Variants in ANKRD55 observed in about 807,000 individuals in gnomAD.
ANKRD55 encodes the protein ankyrin repeat domain-containing protein 55.
Under a neutral mutation model 60.6 loss-of-function variants are expected in ANKRD55, and 41 were observed. The ratio of observed to expected loss-of-function variants is 0.68; its 90% CI spans 0.53 to 0.88. The LOEUF (loss-of-function observed/expected upper bound fraction) is 0.88, where lower values mean the gene tolerates loss of function less well. Among genes scored for constraint, ANKRD55 ranks in the 40% least tolerant of loss-of-function variants. The pLI, the probability that ANKRD55 is intolerant of heterozygous loss-of-function variation, is 0.00. For missense variants in ANKRD55, 732 were observed against 767.6 expected (o/e 0.95, Z 0.55); for synonymous variants, 264 against 290.3 (o/e 0.91, Z 0.92).
intron 2 of ANKRD55, chr5:56,192,680 G>A: frequency 8.0e-7 from 1 of 1,253,820 alleles, no homozygotes; most frequent in Non-Finnish European, 1.2e-6. Flanking sequence ...TCTTCATAAT[G>A]ATCCTCATGC....
In ANKRD55 at chr5:56,111,276, T is replaced by C; in HGVS notation, c.1472A>G (p.Asp491Gly). 6.2e-7 allele frequency: 1 copy of C among 1,614,204 alleles called. No individual in the cohort carries two copies. The highest frequency in any genetic ancestry group is 8.5e-7 in the Non-Finnish European group (1 of 1,180,028). Reference sequence around the variant, plus strand: ...ATTAGAATCACTCTTCCAGGGGTTATCTAGTAACATCTGGCAGCCAGTTCT... The same window carrying C: ...ATTAGAATCACTCTTCCAGGGGTTACCTAGTAACATCTGGCAGCCAGTTCT... ...NNRTGCQMLL[D>G]NPWKSDSNQV... The change falls in exon 10 of 12, where the codon GAT becomes GGT. Residue 491 changes from aspartate to glycine, a missense_variant. Around this residue, in one of 3 missense-constraint regions of ANKRD55, gnomAD observed 597 missense variants for 607.5 expected, o/e 0.98. Coordinates refer to ENST00000341048, the MANE Select transcript of ANKRD55 (RefSeq NM_024669.3).
chr5:56,230,315 G>C (rs563271427), intron 2 of ANKRD55, among the ~76,000 whole-genome samples: 3 of 152,222 alleles, frequency 2.0e-5, no homozygotes, highest in Admixed American at 6.5e-5. Context: ...GGATGGTCTC[G>C]ATCTCTTGAC....
At chr5:56,132,605 A>G (rs1276198420) in intron 7 of ANKRD55, among the ~76,000 whole-genome samples, 1 of 151,596 alleles carries the variant, frequency 6.6e-6, no homozygotes, top group Non-Finnish European at 1.5e-5. Flanking sequence ...AAAAAAAAAA[A>G]AAAGAATAAG....
At chr5:56,153,786 G>A (rs1404575132) in intron 6 of ANKRD55, among the ~76,000 whole-genome samples, 3 of 150,876 alleles carry the variant, frequency 2.0e-5, no homozygotes, top group Non-Finnish European at 3.0e-5. Context: ...GCAGTGAGCC[G>A]AGATCGCACC....
At chr5:56,226,917 G>A (rs1442087856) in intron 2 of ANKRD55, among the ~76,000 whole-genome samples, 2 of 152,204 alleles carry the variant, frequency 1.3e-5, no homozygotes, top group Non-Finnish European at 2.9e-5. Flanking sequence ...AACCATTGTG[G>A]AAGACAGTGT....
chr5:56,230,485 T>C (rs1372013852), intron 2 of ANKRD55, among the ~76,000 whole-genome samples: 1 of 152,208 alleles, frequency 6.6e-6, no homozygotes. Context: ...CCCATCTGCA[T>C]GTAAAGACAG....
intron 9 of ANKRD55, among the ~76,000 whole-genome samples, chr5:56,112,511 A>AAAAAACAAAAAAAAAAAAAC (rs1554036586): frequency 2.5e-5 from 2 of 81,526 alleles, no homozygotes; most frequent in African/African-American, 1.1e-4. Context: ...TAGCAAAAAA[A>AAAAAACAAAAAAAAAAAAAC]AAAAAAAAAA....
chr5:56,122,475 A>C (rs1757095776), intron 8 of ANKRD55, among the ~76,000 whole-genome samples: 1 of 151,028 alleles, frequency 6.6e-6, no homozygotes, highest in African/African-American at 2.4e-5. Context: ...ACATGGTGAA[A>C]CCCCTAATCT....
chr5:56,227,744 A>C (rs989831124), intron 2 of ANKRD55, among the ~76,000 whole-genome samples: 1 of 152,160 alleles, frequency 6.6e-6, no homozygotes, highest in African/African-American at 2.4e-5. Context: ...CTTTGTGACA[A>C]CATTGGGTAG....
chr5:56,151,578 C>T (rs1000889140), intron 6 of ANKRD55, among the ~76,000 whole-genome samples: 1 of 151,888 alleles, frequency 6.6e-6, no homozygotes, highest in African/African-American at 2.4e-5. Flanking sequence ...TTTGGGAGGC[C>T]GAGGCAGGTG....
intron 2 of ANKRD55, among the ~76,000 whole-genome samples, chr5:56,228,100 C>G (rs1760164088): frequency 6.6e-6 from 1 of 152,156 alleles, no homozygotes; most frequent in African/African-American, 2.4e-5. Flanking sequence ...AAGACATGTT[C>G]TAACCTCTAA....
intron 2 of ANKRD55, among the ~76,000 whole-genome samples, chr5:56,189,557 T>C (rs1759045992): frequency 6.6e-6 from 1 of 152,224 alleles, no homozygotes; most frequent in Non-Finnish European, 1.5e-5. Context: ...AGGCACCTCA[T>C]GTATGTGGAA....
intron 2 of ANKRD55, among the ~76,000 whole-genome samples, chr5:56,209,236 C>T (rs937629306): frequency 2.6e-5 from 4 of 152,148 alleles, no homozygotes; most frequent in Non-Finnish European, 5.9e-5. Flanking sequence ...GGATTACAGG[C>T]ATGAGCCATC....
rs181791092 is a variant in ANKRD55 at position 56,161,882 on chromosome 5, A to G, written c.423-1989T>C. On this transcript the variant is annotated intron_variant, in intron 5 of 11. Coordinates refer to ENST00000341048, the MANE Select transcript of ANKRD55 (RefSeq NM_024669.3). ...AGCCTTTGGTAGGAAGACATATAAA[A>G]ATAATTGCATTTTGGGTCACACAAT... 2.4e-4 allele frequency: 180 copies of G among 738,860 alleles called. 5 individuals carry two copies. The Admixed American group carries it at 0.011, about 46-fold the overall frequency. 45.8% of individuals were successfully genotyped at this position (738,860 alleles called of 1,614,324 possible). A position where few individuals can be genotyped will look rare whatever the true frequency, so the allele number is the denominator to read the frequency against.
chr5:56,166,548 C>A (rs1758489682), intron 5 of ANKRD55, among the ~76,000 whole-genome samples: 1 of 152,012 alleles, frequency 6.6e-6, no homozygotes, highest in Non-Finnish European at 1.5e-5. Context: ...CAGGTGTGAG[C>A]CACAATGCCT....
chr5:56,144,265 C>G (rs114772593), intron 6 of ANKRD55, among the ~76,000 whole-genome samples: 1 of 152,112 alleles, frequency 6.6e-6, no homozygotes, highest in Admixed American at 6.6e-5. Flanking sequence ...GAAGAATGCA[C>G]GTAGGATGCT....
chr5:56,192,416 G>C (rs1236549905), intron 2 of ANKRD55: 1 of 185,158 alleles, frequency 5.4e-6, no homozygotes, highest in African/African-American at 2.4e-5. Context: ...TGGCGGCCTC[G>C]GCTAGCGGCC....
intron 6 of ANKRD55, among the ~76,000 whole-genome samples, chr5:56,145,776 G>C (rs1383450636): frequency 6.6e-6 from 1 of 152,152 alleles, no homozygotes; most frequent in African/African-American, 2.4e-5. Context: ...ATTATGGTTT[G>C]CTTTCAAGTT....
intron 2 of ANKRD55, among the ~76,000 whole-genome samples, chr5:56,202,074 G>C (rs893625024): frequency 6.6e-6 from 1 of 152,170 alleles, no homozygotes; most frequent in Non-Finnish European, 1.5e-5. Flanking sequence ...TGTTCTCACT[G>C]ATAAGTGGGA....
Sources: allele counts gnomAD v4.1 joint callset (sites outside exome capture counted in the v4.1 genomes callset), GRCh38; gene constraint gnomAD v4.1.1; regional missense constraint gnomAD v4.1.1; transcripts MANE v1.5; gene names NCBI Gene and HGNC (gene_info 2026-07-23, HGNC 2026-07-21).